MAGI2: variants seen among roughly 807,000 people sequenced by gnomAD.
MAGI2 encodes the protein membrane associated guanylate kinase, WW and PDZ domain containing 2, also known as membrane-associated guanylate kinase, WW and PDZ domain-containing protein 2.
MAGI2 carries 35 observed loss-of-function variants against 133.3 expected under a neutral mutation model. The ratio of observed to expected loss-of-function variants is 0.26; its 90% CI spans 0.20 to 0.35. MAGI2 has a LOEUF of 0.35. Ranked by LOEUF, MAGI2 falls within the 10% of genes least tolerant of loss-of-function variation. The pLI is 1.00. For synonymous variants in MAGI2, 729 were observed against 710.6 expected (o/e 1.03, Z -0.41); for missense variants, 1,636 against 1,863.4 (o/e 0.88, Z 2.25).
intron 20 of MAGI2, among the ~76,000 whole-genome samples, chr7:78,099,637 T>A (rs1818025686): frequency 6.6e-6 from 1 of 152,236 alleles, no homozygotes; most frequent in South Asian, 2.1e-4. Flanking sequence ...CCCAAACTCT[T>A]ATTCCATAAT....
At chr7:78,745,047 G>A (rs1008682644) in intron 2 of MAGI2, among the ~76,000 whole-genome samples, 2 of 152,126 alleles carry the variant, frequency 1.3e-5, no homozygotes, top group Non-Finnish European at 2.9e-5. Context: ...GAGAACTTCT[G>A]CATTTTACCC....
intron 2 of MAGI2, among the ~76,000 whole-genome samples, chr7:78,666,499 T>G (rs1006032900): frequency 4.5e-4 from 69 of 152,164 alleles, no homozygotes; most frequent in African/African-American, 1.6e-3. Context: ...AGAACAAGTC[T>G]CAGCTAGATG....
chr7:78,301,540 C>G (rs1321351730), intron 9 of MAGI2, among the ~76,000 whole-genome samples: 1 of 152,178 alleles, frequency 6.6e-6, no homozygotes, highest in Non-Finnish European at 1.5e-5. Flanking sequence ...CTTTGGAATG[C>G]AGGAAATTTC....
chr7:78,810,124 G>A (rs1788916190), intron 2 of MAGI2, among the ~76,000 whole-genome samples: 1 of 152,044 alleles, frequency 6.6e-6, no homozygotes, highest in South Asian at 2.1e-4. Flanking sequence ...TCTTTTTTAG[G>A]AAAGGCTGGT....
At chr7:78,304,938 G>A (rs1798128883) in intron 9 of MAGI2, among the ~76,000 whole-genome samples, 1 of 152,188 alleles carries the variant, frequency 6.6e-6, no homozygotes. Flanking sequence ...AGACCAGTGT[G>A]TGTGGAATGG....
chr7:79,412,025 C>T (rs988012458), intron 1 of MAGI2: 1 of 151,936 alleles, frequency 6.6e-6, no homozygotes, highest in Non-Finnish European at 1.5e-5. Context: ...TAAGCATAAA[C>T]ATTTACTTTT....
chr7:78,169,405 T>C (rs1372012417), intron 14 of MAGI2, among the ~76,000 whole-genome samples: 1 of 152,214 alleles, frequency 6.6e-6, no homozygotes, highest in Middle Eastern at 3.2e-3. Context: ...TCAGGCATAA[T>C]AATTTCTTTC....
At chr7:78,588,485 G>C (rs1408471350) in intron 3 of MAGI2, among the ~76,000 whole-genome samples, 1 of 152,184 alleles carries the variant, frequency 6.6e-6, no homozygotes, top group African/African-American at 2.4e-5. Flanking sequence ...TGTGCAAATG[G>C]AAGTTAGAAA....
At chr7:78,586,520 A>G (rs2150828214) in intron 3 of MAGI2, among the ~76,000 whole-genome samples, 1 of 152,358 alleles carries the variant, frequency 6.6e-6, no homozygotes, top group Middle Eastern at 3.4e-3. Flanking sequence ...GAACTAACAC[A>G]ATCTGTTATG....
chr7:78,480,459 CAG>C (rs1361809267), intron 6 of MAGI2, among the ~76,000 whole-genome samples: 1 of 151,664 alleles, frequency 6.6e-6, no homozygotes, highest in Non-Finnish European at 1.5e-5. Flanking sequence ...ACACAAAACA[CAG>C]ACACATAGAC....
chr7:79,093,502 A>C (rs1253109497), intron 1 of MAGI2, among the ~76,000 whole-genome samples: 1 of 152,144 alleles, frequency 6.6e-6, no homozygotes. Flanking sequence ...CAATAGCATC[A>C]TGTCTTTAAA....
At chr7:78,355,838 T>A (rs946003513) in intron 7 of MAGI2, among the ~76,000 whole-genome samples, 3 of 152,242 alleles carry the variant, frequency 2.0e-5, no homozygotes, top group African/African-American at 4.8e-5. Context: ...AAGACAAAAA[T>A]GTGAAAATAC....
Position 78,134,788 on chromosome 7 carries a change from G to T in MAGI2, c.3031+233C>A, listed in dbSNP as rs114618820. ...TCTTGGAATTCACACTATTTAGCCT[G>T]CAATGTCACATAGCTTGACCTCTGA... On this transcript the variant is annotated intron_variant, in intron 17 of 21. Transcript: ENST00000354212. 894 of 436,582 alleles carry T rather than the reference G, an allele frequency of 2.0e-3. 9 individuals carry two copies. The highest frequency in any genetic ancestry group is 0.016 in the African/African-American group (821 of 50,930). 27.0% of individuals were successfully genotyped at this position (436,582 alleles called of 1,614,324 possible).
rs139283994 is a variant in MAGI2, at chr7:78,830,837, T to C, written c.418+176253A>G. ...GGCCAATTGGCAATCTAGCTAGCCT[T>C]GGGCTATGGAAATAAGATTCACACT... On this transcript the variant is annotated intron_variant, in intron 2 of 21. Transcript: ENST00000354212. 2.0e-3 allele frequency among the ~76,000 whole-genome samples: 311 copies of C among 152,266 alleles called. 1 individual carries two copies. Among genetic ancestry groups the C allele is most frequent in the African/African-American group, 7.2e-3 (298 of 41,566 alleles).
chr7:78,855,027 G>GT lies in MAGI2; in HGVS notation c.418+152062dup, dbSNP rs35464655. On this transcript the variant is annotated intron_variant, in intron 2 of 21. Transcript: ENST00000354212. ...ACCACGACGCCCAGCAAATTTTTCT[G>GT]TTTTTTTTTTGTAGAGATGCGGTTT... 0.013 allele frequency among the ~76,000 whole-genome samples: 1,946 copies of GT among 148,546 alleles called. 84 individuals are homozygous for GT. In the East Asian group the frequency reaches 0.18, roughly 14 times the overall value.
At chr7:78,834,555 T>A (rs899281267) in intron 2 of MAGI2, among the ~76,000 whole-genome samples, 5 of 152,234 alleles carry the variant, frequency 3.3e-5, no homozygotes, top group Non-Finnish European at 5.9e-5. Flanking sequence ...TTTCATTGTA[T>A]AAATATACCA....
intron 6 of MAGI2, among the ~76,000 whole-genome samples, chr7:78,446,041 T>A (rs1405562414): frequency 1.5e-5 from 1 of 67,286 alleles, no homozygotes; most frequent in Non-Finnish European, 4.3e-5. Context: ...CTATTTTGTG[T>A]TTCTTTTGTC....
chr7:78,910,052 G>A (rs1584361852), intron 2 of MAGI2, among the ~76,000 whole-genome samples: 1 of 152,136 alleles, frequency 6.6e-6, no homozygotes, highest in East Asian at 1.9e-4. Flanking sequence ...ACGAAACACT[G>A]CATGTTCTCA....
intron 2 of MAGI2, among the ~76,000 whole-genome samples, chr7:78,866,302 G>A (rs2151511333): frequency 6.6e-6 from 1 of 152,236 alleles, no homozygotes; most frequent in South Asian, 2.1e-4. Flanking sequence ...GTCCAGATAT[G>A]GGGAGGGCCA....
Sources: allele counts gnomAD v4.1 joint callset (sites outside exome capture counted in the v4.1 genomes callset), GRCh38; gene constraint gnomAD v4.1.1; transcripts MANE v1.5; gene names NCBI Gene and HGNC (gene_info 2026-07-23, HGNC 2026-07-21).